The following NCALD variants were observed in gnomAD, a reference collection of about 807,000 sequenced individuals.
NCALD encodes the protein neurocalcin-delta.
NCALD carries 10 observed loss-of-function variants against 18.6 expected under a neutral mutation model. The ratio of observed to expected loss-of-function variants is 0.54; its 90% confidence interval spans 0.33 to 0.91. The LOEUF (loss-of-function observed/expected upper bound fraction) is 0.91. NCALD is among the 40% of genes least tolerant of loss of function. The pLI is 0.03. For missense variants in NCALD, 184 were observed against 247.6 expected (o/e 0.74, Z 1.72); for synonymous variants, 88 against 87.4 (o/e 1.01, Z -0.04).
intron 2 of NCALD, among the ~76,000 whole-genome samples, chr8:101,936,323 G>C (rs573382487): frequency 6.6e-6 from 1 of 152,220 alleles, no homozygotes; most frequent in African/African-American, 2.4e-5. Context: ...AATAATCATG[G>C]TTAGGACTTG....
intron 1 of NCALD, among the ~76,000 whole-genome samples, chr8:102,044,478 G>A (rs1823168721): frequency 6.7e-6 from 1 of 149,602 alleles, no homozygotes; most frequent in African/African-American, 2.5e-5. Context: ...ACACTATTGA[G>A]CAGACATTTC....
At chr8:101,936,151 T>C (rs1380595972) in intron 2 of NCALD, among the ~76,000 whole-genome samples, 1 of 152,030 alleles carries the variant, frequency 6.6e-6, no homozygotes, top group Non-Finnish European at 1.5e-5. Context: ...AGAAGAAGGG[T>C]GCAACAATTA....
chr8:101,966,058 T>C (rs961622208), intron 2 of NCALD, among the ~76,000 whole-genome samples: 1 of 151,552 alleles, frequency 6.6e-6, no homozygotes, highest in South Asian at 2.1e-4. Context: ...CCCTAAAATA[T>C]AAAGAACACT....
intron 1 of NCALD, among the ~76,000 whole-genome samples, chr8:102,108,965 G>A (rs1403605180): frequency 6.6e-6 from 1 of 152,176 alleles, no homozygotes; most frequent in Non-Finnish European, 1.5e-5. Context: ...GATTGGCTCA[G>A]CCTCGTCCCC....
At chr8:101,847,917 G>A (rs768724112) in intron 4 of NCALD, among the ~76,000 whole-genome samples, 4 of 152,118 alleles carry the variant, frequency 2.6e-5, no homozygotes, top group African/African-American at 7.2e-5. Flanking sequence ...ATTTACGCTC[G>A]TAAAAAACAG....
At chr8:101,955,179 A>G (rs1819576566) in intron 2 of NCALD, among the ~76,000 whole-genome samples, 1 of 152,230 alleles carries the variant, frequency 6.6e-6, no homozygotes, top group Non-Finnish European at 1.5e-5. Context: ...CAAATGCCTC[A>G]CAGTCTTAAT....
Position 101,861,168 on chromosome 8 carries a change from C to T in NCALD, c.-20+25973G>A, listed in dbSNP as rs534256981. On this transcript the variant is annotated intron_variant, in intron 4 of 6. Coordinates refer to the NCALD transcript ENST00000311028. ...CGCCCAGAATGGTAAGATAGTAAAT[C>T]TGTGTTACTTTAAGTCATTAAGTTT... is the stretch of plus-strand genomic sequence containing the variant. Among the ~76,000 whole-genome samples the T allele has an allele frequency of 1.6e-4, 24 of 152,124 alleles. No individual in the cohort carries two copies. In the South Asian group the frequency reaches 5.0e-3, roughly 32 times the overall value.
At chr8:102,025,538 C>G (rs560929664) in intron 1 of NCALD, among the ~76,000 whole-genome samples, 2 of 152,330 alleles carry the variant, frequency 1.3e-5, no homozygotes, top group Admixed American at 1.3e-4. Flanking sequence ...CTTACTCCTT[C>G]TGTACATAAT....
intron 1 of NCALD, among the ~76,000 whole-genome samples, chr8:102,114,976 C>A (rs1825741686): frequency 6.6e-6 from 1 of 152,240 alleles, no homozygotes; most frequent in Non-Finnish European, 1.5e-5. Context: ...ATGCACAAAG[C>A]CAGGGCCAGT....
intron 1 of NCALD, among the ~76,000 whole-genome samples, chr8:101,771,870 T>C (rs897478016): frequency 2.0e-5 from 3 of 152,246 alleles, no homozygotes; most frequent in African/African-American, 7.2e-5. Context: ...AATTAGAGCT[T>C]GGCATGAACT....
chr8:101,905,276 CCTCTCTCTCT>C (rs58447809), intron 3 of NCALD, among the ~76,000 whole-genome samples: 6 of 145,478 alleles, frequency 4.1e-5, no homozygotes, highest in African/African-American at 7.6e-5. Flanking sequence ...TCTCTCCTCT[CCTCTCTCTCT>C]CTCTCTCTCT....
At chr8:102,050,091 A>G (rs1264561591) in intron 1 of NCALD, among the ~76,000 whole-genome samples, 14 of 140,044 alleles carry the variant, frequency 1.0e-4, no homozygotes, top group South Asian at 4.9e-4. Context: ...GAACCCGGGA[A>G]GCGGAGCTTG....
intron 3 of NCALD, among the ~76,000 whole-genome samples, chr8:101,913,472 T>G (rs1020935595): frequency 6.6e-6 from 1 of 152,230 alleles, no homozygotes; most frequent in African/African-American, 2.4e-5. Context: ...TTTCAAAATA[T>G]CAAAATTCTT....
intron 4 of NCALD, among the ~76,000 whole-genome samples, chr8:101,826,383 G>GAATCTTCC (rs201763193): frequency 2.0e-5 from 3 of 152,162 alleles, no homozygotes; most frequent in African/African-American, 7.2e-5. Flanking sequence ...TAGTCTTCAT[G>GAATCTTCC]AGACTTCTAG....
chr8:101,955,294 A>G (rs1248683884), intron 2 of NCALD, among the ~76,000 whole-genome samples: 1 of 152,238 alleles, frequency 6.6e-6, no homozygotes, highest in Non-Finnish European at 1.5e-5. Context: ...AGTGCCTTCC[A>G]GAGAGTCCAC....
At chr8:102,053,626 C>T (rs1297933460) in intron 1 of NCALD, among the ~76,000 whole-genome samples, 1 of 152,138 alleles carries the variant, frequency 6.6e-6, no homozygotes, top group Non-Finnish European at 1.5e-5. Flanking sequence ...CCAAAGCTGG[C>T]AACGTTAACC....
intron 2 of NCALD, among the ~76,000 whole-genome samples, chr8:102,003,257 T>C (rs1486329295): frequency 6.6e-6 from 1 of 152,132 alleles, no homozygotes; most frequent in Non-Finnish European, 1.5e-5. Flanking sequence ...AACACCTCTA[T>C]GCAAATAAAC....
chr8:101,918,978 T>C (rs1001702498), intron 2 of NCALD, among the ~76,000 whole-genome samples: 1 of 152,070 alleles, frequency 6.6e-6, no homozygotes, highest in African/African-American at 2.4e-5. Flanking sequence ...ACTACCAACA[T>C]CATTTTTCAC....
intron 1 of NCALD, among the ~76,000 whole-genome samples, chr8:101,745,081 T>C (rs966027460): frequency 1.3e-5 from 2 of 151,516 alleles, no homozygotes; most frequent in South Asian, 4.2e-4. Context: ...AGAACGTCCT[T>C]GATAAAGCAG....
Sources: allele counts gnomAD v4.1 joint callset (sites outside exome capture counted in the v4.1 genomes callset), GRCh38; gene constraint gnomAD v4.1.1; transcripts MANE v1.5; gene names NCBI Gene and HGNC (gene_info 2026-07-23, HGNC 2026-07-21).